XKR7: variants seen among roughly 807,000 people sequenced by gnomAD.
XKR7 encodes XK-related protein 7.
XKR7 carries 11 observed loss-of-function variants against 42.2 expected under a neutral mutation model. The ratio of observed to expected loss-of-function variants is 0.26; its 90% CI spans 0.16 to 0.43. The LOEUF (loss-of-function observed/expected upper bound fraction) is 0.43, where lower values mean the gene tolerates loss of function less well. Ranked by LOEUF, XKR7 falls within the 20% of genes least tolerant of loss-of-function variation. The pLI is 1.00. For synonymous variants in XKR7, 346 were observed against 366.4 expected (o/e 0.94, Z 0.64); for missense variants, 710 against 802.2 (o/e 0.89, Z 1.39).
intron 1 of XKR7, among the ~76,000 whole-genome samples, chr20:31,993,574 C>T (rs931500616): frequency 2.0e-5 from 3 of 152,124 alleles, no homozygotes; most frequent in Non-Finnish European, 4.4e-5. Flanking sequence ...AGCCTGCAGT[C>T]GTGTTTCATT....
At chr20:31,988,119 C>T (rs1175240040) in intron 1 of XKR7, among the ~76,000 whole-genome samples, 1 of 152,196 alleles carries the variant, frequency 6.6e-6, no homozygotes, top group East Asian at 1.9e-4. Flanking sequence ...TCTGAATGGA[C>T]TGAGGTGCAG....
Position 31,997,326 on chromosome 20 carries a change from G to A in XKR7, c.1609G>A (p.Ala537Thr). The change falls in exon 3 of 3, where the codon GCT becomes ACT. Residue 537 changes from alanine to threonine, a missense_variant. By Grantham distance (58) the Ala-to-Thr change is moderately conservative. Coordinates refer to ENST00000562532, the MANE Select transcript of XKR7 (RefSeq NM_001011718.2). Reference sequence around the variant, plus strand: ...TCGCAAGAAGTACCCGGCCTGGGATGCTCATTTTATTGACCGCCGGCTCCG... The same window carrying A: ...TCGCAAGAAGTACCCGGCCTGGGATACTCATTTTATTGACCGCCGGCTCCG... Reference protein sequence around the residue: ...LPRKKYPAWDAHFIDRRLRKT... With the variant: ...LPRKKYPAWDTHFIDRRLRKT... 6.2e-7 allele frequency: 1 copy of A among 1,609,876 alleles called. No individual in the cohort carries two copies. The highest frequency in any genetic ancestry group is 1.7e-5 in the Admixed American group (1 of 60,028).
At chr20:31,990,619 T>G (rs1034052045) in intron 1 of XKR7, among the ~76,000 whole-genome samples, 2 of 152,228 alleles carry the variant, frequency 1.3e-5, no homozygotes, top group Non-Finnish European at 2.9e-5. Flanking sequence ...ATCAAGCATA[T>G]TAAAATGCAG....
Position 31,997,104 on chromosome 20 carries a change from G to A in XKR7, c.1387G>A (p.Gly463Ser), listed in dbSNP as rs767687116. 1 of 1,613,288 alleles carries A rather than the reference G, an allele frequency of 6.2e-7. No homozygotes were observed. Among genetic ancestry groups the A allele is most frequent in the Non-Finnish European group, 8.5e-7 (1 of 1,180,026 alleles). ...CIFRKASEPCGPPADAITSPP... is the reference protein window; with the variant it reads ...CIFRKASEPCSPPADAITSPP... Reference sequence around the variant, plus strand: ...CTTCCGTAAGGCCTCAGAGCCCTGTGGCCCACCCGCTGACGCCATCACGAG... The same window carrying A: ...CTTCCGTAAGGCCTCAGAGCCCTGTAGCCCACCCGCTGACGCCATCACGAG... Residue 463 changes from glycine to serine, a missense_variant, in exon 3 of 3, where the codon GGC (glycine) becomes AGC (serine). By Grantham distance (56) the Gly-to-Ser change is moderately conservative (BLOSUM62 0). Coordinates refer to ENST00000562532, the MANE Select transcript of XKR7 (RefSeq NM_001011718.2).
intron 1 of XKR7, among the ~76,000 whole-genome samples, chr20:31,986,809 C>A (rs529019328): frequency 2.1e-4 from 30 of 141,442 alleles, no homozygotes; most frequent in African/African-American, 7.3e-4. Context: ...GACAGAGAGA[C>A]AACCAAGCAG....
At chr20:31,988,843 C>A (rs2122272096) in intron 1 of XKR7, among the ~76,000 whole-genome samples, 1 of 152,220 alleles carries the variant, frequency 6.6e-6, no homozygotes, top group South Asian at 2.1e-4. Flanking sequence ...GGTGTCCTGG[C>A]TCTTTGCAAC....
chr20:31,986,585 CT>C (rs1466727458), intron 1 of XKR7, among the ~76,000 whole-genome samples: 2 of 123,098 alleles, frequency 1.6e-5, no homozygotes, highest in African/African-American at 6.9e-5. Context: ...GACCCAGCAT[CT>C]GAGACACAGA....
At position 32,000,197 on chromosome 20, in the gene XKR7, C is replaced by T. The variant is rs931559174; in HGVS notation, c.*2740C>T. 3 of 152,328 alleles carry T rather than the reference C, an allele frequency of 2.0e-5. No homozygotes were observed. Among genetic ancestry groups the T allele is most frequent in the Admixed American group, 6.5e-5 (1 of 15,286 alleles). 9.4% of individuals were successfully genotyped at this position (152,328 alleles called of 1,614,324 possible). A position where few individuals can be genotyped will look rare whatever the true frequency, so the allele number is the denominator to read the frequency against. On this transcript the variant is annotated 3_prime_UTR_variant, in exon 3 of 3. Transcript: ENST00000562532. ...AGGAGCTCGGGACCAGGCCTGAGGC[C>T]CCCTGCTCCACTGGCTTGTCCCTTC...
intron 1 of XKR7, among the ~76,000 whole-genome samples, chr20:31,969,454 A>G (rs2064454125): frequency 6.6e-6 from 1 of 152,176 alleles, no homozygotes; most frequent in African/African-American, 2.4e-5. Context: ...CCGAACTGGT[A>G]AGGCAAAACT....
intron 1 of XKR7, among the ~76,000 whole-genome samples, chr20:31,986,263 A>G (rs866849773): frequency 0.016 from 1,597 of 98,430 alleles, 31 homozygotes; most frequent in African/African-American, 0.065. Context: ...CCCAGCATCC[A>G]AGACACAGAC....
chr20:31,991,249 GC>G (rs1257090342), intron 1 of XKR7, among the ~76,000 whole-genome samples: 4 of 152,170 alleles, frequency 2.6e-5, no homozygotes, highest in Middle Eastern at 3.2e-3. Context: ...AACTCCCCAG[GC>G]CCCTTCACAT....
At position 32,002,567 on chromosome 20, in the gene XKR7, G is replaced by T. The variant is rs1481117777; in HGVS notation, c.*5110G>T. On this transcript the variant is annotated 3_prime_UTR_variant, in exon 3 of 3. Transcript: ENST00000562532. ...GAACCCATCATGAAATAGCTGGAAG[G>T]TATCTGAACCGTTCCCATAGCTCCC... is the stretch of plus-strand genomic sequence containing the variant. 6.6e-6 allele frequency: 1 copy of T among 152,122 alleles called. No homozygotes were observed. Among genetic ancestry groups the T allele is most frequent in the Non-Finnish European group, 1.5e-5 (1 of 68,030 alleles). 9.4% of individuals were successfully genotyped at this position (152,122 alleles called of 1,614,324 possible).
At chr20:31,986,729 T>C (rs1294579302) in intron 1 of XKR7, among the ~76,000 whole-genome samples, 38 of 90,234 alleles carry the variant, frequency 4.2e-4, no homozygotes, top group East Asian at 1.1e-3. Context: ...GACCACCAAG[T>C]AGACCCAGCA....
At chr20:31,988,633 C>A (rs1207041567) in intron 1 of XKR7, among the ~76,000 whole-genome samples, 7 of 152,170 alleles carry the variant, frequency 4.6e-5, no homozygotes, top group Admixed American at 4.6e-4. Flanking sequence ...GTTTCCTCAT[C>A]TATGAAATGG....
intron 1 of XKR7, among the ~76,000 whole-genome samples, chr20:31,973,575 G>A (rs559810837): frequency 1.3e-5 from 2 of 152,264 alleles, no homozygotes; most frequent in Admixed American, 6.5e-5. Flanking sequence ...TGGTCAGGGT[G>A]GACCTCTCCA....
In XKR7 at chr20:31,983,037, G is replaced by A. The variant is rs192067470; in HGVS notation, c.585-12031G>A. On this transcript the variant is annotated intron_variant, in intron 1 of 2. Transcript: ENST00000562532. ...TGGGGCTACATAGTCAGTAAGAGAT[G>A]GAGCTAGGATCTGAGCCCAGGCCTG... is the stretch of plus-strand genomic sequence containing the variant. Among the ~76,000 whole-genome samples, 35 of 152,348 alleles carry A rather than the reference G, an allele frequency of 2.3e-4. No homozygotes were observed. The East Asian group carries it at 6.6e-3, about 29-fold the overall frequency.
chr20:31,992,180 C>T (rs145859236), intron 1 of XKR7, among the ~76,000 whole-genome samples: 1 of 152,242 alleles, frequency 6.6e-6, no homozygotes, highest in Admixed American at 6.5e-5. Context: ...AATGTTTCTT[C>T]CTTCCAAGGC....
chr20:31,992,516 T>C (rs558210567), intron 1 of XKR7, among the ~76,000 whole-genome samples: 65 of 152,284 alleles, frequency 4.3e-4, no homozygotes, highest in African/African-American at 1.5e-3. Flanking sequence ...GTGTGAGCAG[T>C]GGGTATAGAT....
Position 31,968,747 on chromosome 20 carries a change from G to A in XKR7, c.572G>A (p.Gly191Asp). 6.5e-7 allele frequency: 1 copy of A among 1,529,870 alleles called. No homozygotes were observed. The highest frequency in any genetic ancestry group is 2.0e-5 in the Admixed American group (1 of 50,954). 94.8% of individuals were successfully genotyped at this position (1,529,870 alleles called of 1,614,324 possible). A position where few individuals can be genotyped will look rare whatever the true frequency, so the allele number is the denominator to read the frequency against. ...LQTLVHLLQL[G>D]QVWRYLRALY... ...ACCCTCGTCCACCTCCTGCAGCTCG[G>A]CCAGGTCTGGAGGTAGGAGAAGCGC... is the stretch of plus-strand genomic sequence containing the variant. Residue 191 changes from glycine (G) to aspartate (D), a missense_variant, in exon 1 of 3, where the codon GGC becomes GAC. Gly to Asp is a moderately conservative substitution (Grantham distance 94). Coordinates refer to ENST00000562532, the MANE Select transcript of XKR7 (RefSeq NM_001011718.2). The surrounding 1 kb of genome is among the most constrained non-coding windows in gnomAD (Gnocchi z 4.5).
Sources: allele counts gnomAD v4.1 joint callset (sites outside exome capture counted in the v4.1 genomes callset), GRCh38; gene constraint gnomAD v4.1.1; non-coding constraint Gnocchi (gnomAD v3.1); transcripts MANE v1.5; gene names NCBI Gene and HGNC (gene_info 2026-07-23, HGNC 2026-07-21).